GPD2: variants seen among roughly 807,000 people sequenced by gnomAD.
The protein encoded by GPD2 is glycerol-3-phosphate dehydrogenase 2.
GPD2 carries 54 observed loss-of-function variants against 82.4 expected under a neutral mutation model. The observed-to-expected ratio is 0.66, with a 90% CI of 0.53 to 0.82. The LOEUF (loss-of-function observed/expected upper bound fraction) is 0.82. GPD2 is among the 40% of genes least tolerant of loss of function. The probability of loss-of-function intolerance (pLI) is 0.00; values close to 1 mark genes in which losing one functional copy is unlikely to be tolerated. For missense variants in GPD2, 748 were observed against 896.2 expected (o/e 0.83, Z 2.11); for synonymous variants, 288 against 306.1 (o/e 0.94, Z 0.62).
At chr2:156,438,411 G>T (rs920700471) in intron 1 of GPD2, among the ~76,000 whole-genome samples, 1 of 152,164 alleles carries the variant, frequency 6.6e-6, no homozygotes, top group African/African-American at 2.4e-5. Context: ...TATGGGCAAA[G>T]AATGTAGTTA....
chr2:156,497,287 C>T (rs915894593), intron 3 of GPD2, among the ~76,000 whole-genome samples: 2 of 152,076 alleles, frequency 1.3e-5, no homozygotes, highest in Admixed American at 6.6e-5. Flanking sequence ...AGACTTAGAA[C>T]GGTGCTTGTC....
intron 1 of GPD2, among the ~76,000 whole-genome samples, chr2:156,444,852 G>A (rs769303646): frequency 2.6e-5 from 4 of 152,150 alleles, no homozygotes; most frequent in Non-Finnish European, 4.4e-5. Context: ...CCTACGTCAC[G>A]CGATTCTTCT....
the GPD2 span, among the ~76,000 whole-genome samples, chr2:156,406,492 C>G: frequency 6.6e-6 from 1 of 152,228 alleles, no homozygotes; most frequent in African/African-American, 2.4e-5. Flanking sequence ...AGCTCACTCC[C>G]TGGGCTACCC....
At chr2:156,553,982 T>C (rs1490762641) in intron 8 of GPD2, among the ~76,000 whole-genome samples, 1 of 152,194 alleles carries the variant, frequency 6.6e-6, no homozygotes, top group African/African-American at 2.4e-5. Flanking sequence ...CACTGTGAGC[T>C]ATAACCACTA....
At position 156,583,852 on chromosome 2, in the gene GPD2, A is replaced by G. The variant is rs964482293; in HGVS notation, c.*934A>G. The G allele has an allele frequency of 6.6e-6, 1 of 152,524 alleles. No homozygotes were observed. Among genetic ancestry groups the G allele is most frequent in the African/African-American group, 2.4e-5 (1 of 41,440 alleles). The allele number at this position is 152,524 out of a possible 1,614,324, so 9.4% of individuals were successfully genotyped here. On this transcript the variant is annotated 3_prime_UTR_variant, in exon 17 of 17. Transcript: ENST00000438166. Reference sequence around the variant, plus strand: ...TTTTTATATATCCACATATGATAACAAAAGATTCAATTCCCAAGCCTAAAT... The same window carrying G: ...TTTTTATATATCCACATATGATAACGAAAGATTCAATTCCCAAGCCTAAAT...
intron 1 of GPD2, among the ~76,000 whole-genome samples, chr2:156,451,224 C>T (rs1410582167): frequency 2.0e-5 from 3 of 152,072 alleles, no homozygotes; most frequent in East Asian, 2.0e-4. Flanking sequence ...GGCTCCTCAC[C>T]TCCCAGTAGG....
At chr2:156,576,521 CCCCAAAACTGGAAGAATTT>C (rs1294017127) in intron 13 of GPD2, among the ~76,000 whole-genome samples, 16 of 151,816 alleles carry the variant, frequency 1.1e-4, no homozygotes, top group African/African-American at 3.6e-4. Context: ...TTGTTAATCC[CCCCAAAACTGGAAGAATTT>C]CAAGGAGGTA....
chr2:156,414,575 C>T, the GPD2 span, among the ~76,000 whole-genome samples: 1 of 152,058 alleles, frequency 6.6e-6, no homozygotes, highest in African/African-American at 2.4e-5. Context: ...AAGATGTGAA[C>T]CAAATAATCT....
intron 2 of GPD2, among the ~76,000 whole-genome samples, chr2:156,477,168 A>G (rs559154294): frequency 9.9e-5 from 15 of 152,268 alleles, no homozygotes; most frequent in African/African-American, 3.6e-4. Flanking sequence ...CACTGACTCA[A>G]ACCTGTAATC....
intron 9 of GPD2, among the ~76,000 whole-genome samples, chr2:156,559,452 C>T (rs1687088648): frequency 1.3e-5 from 2 of 152,106 alleles, no homozygotes; most frequent in South Asian, 4.1e-4. Context: ...ATGTTGATGT[C>T]AGTGAAGGAC....
At chr2:156,448,220 G>T (rs557243138) in intron 1 of GPD2, among the ~76,000 whole-genome samples, 43 of 151,356 alleles carry the variant, frequency 2.8e-4, no homozygotes, top group African/African-American at 9.5e-4. Context: ...GCAATTCTCT[G>T]CCTCAGCCTC....
chr2:156,476,095 T>C lies in GPD2; in HGVS notation c.-8-3T>C. The stretch of plus-strand genomic sequence containing the variant: ...TCTTTTTGTTTCTTATTTTTCTTTG[T>C]AGGCTAAGAAATGGCATTTCAAAAG... On this transcript the variant is annotated splice_region_variant and splice_polypyrimidine_tract_variant and intron_variant, in intron 1 of 16. Coordinates refer to ENST00000438166, the MANE Select transcript of GPD2 (RefSeq NM_000408.5). The C allele has an allele frequency of 6.8e-7, 1 of 1,480,964 alleles. No individual in the cohort carries two copies. The highest frequency in any genetic ancestry group is 9.4e-7 in the Non-Finnish European group (1 of 1,058,932). 91.7% of individuals were successfully genotyped at this position (1,480,964 alleles called of 1,614,324 possible). A position where few individuals can be genotyped will look rare whatever the true frequency, so the allele number is the denominator to read the frequency against.
intron 3 of GPD2, among the ~76,000 whole-genome samples, chr2:156,503,061 T>G (rs1408099877): frequency 2.6e-5 from 4 of 152,136 alleles, no homozygotes; most frequent in Non-Finnish European, 4.4e-5. Context: ...TTGTTGATTT[T>G]GGGGACCTTG....
rs145752018 is a variant in GPD2, at chr2:156,541,479, G to A, written c.662-8129G>A. ...TCCCCACAGTAGTACTTAGCTTAGT[G>A]CCTGGTGCATAGTGGGTGTTCAATA... is the stretch of plus-strand genomic sequence containing the variant. On this transcript the variant is annotated intron_variant, in intron 6 of 16. Transcript: ENST00000438166. 2.6e-5 allele frequency among the ~76,000 whole-genome samples: 4 copies of A among 152,274 alleles called. No individual in the cohort carries two copies. The East Asian group carries it at 7.7e-4, about 29-fold the overall frequency.
At chr2:156,515,382 AAAAG>A (rs968779622) in intron 6 of GPD2, among the ~76,000 whole-genome samples, 6 of 152,088 alleles carry the variant, frequency 3.9e-5, no homozygotes, top group African/African-American at 1.4e-4. Flanking sequence ...CAAAAAAAAA[AAAAG>A]AAGAAGAAGA....
chr2:156,469,982 A>G (rs936519470), intron 1 of GPD2, among the ~76,000 whole-genome samples: 3 of 152,138 alleles, frequency 2.0e-5, no homozygotes, highest in African/African-American at 7.2e-5. Flanking sequence ...GTGAAAGTGA[A>G]GGAATAAAAG....
the GPD2 span, among the ~76,000 whole-genome samples, chr2:156,415,057 C>T: frequency 6.6e-6 from 1 of 151,938 alleles, no homozygotes; most frequent in Non-Finnish European, 1.5e-5. Flanking sequence ...CTGGTGCACC[C>T]ATCACCCGAG....
intron 6 of GPD2, among the ~76,000 whole-genome samples, chr2:156,520,442 A>G (rs902557151): frequency 2.6e-5 from 4 of 152,110 alleles, no homozygotes; most frequent in South Asian, 4.1e-4. Flanking sequence ...AATAACTGCT[A>G]TGCTGAATTG....
Position 156,553,718 on chromosome 2 carries a change from A to G in GPD2, c.971+2972A>G, listed in dbSNP as rs146548185. ...TATTCTGTTAAAAATTTTGTGTGAAAGTGGTCATGTTGCATATATTGTTCT... is the reference window on the plus strand; with the variant it reads ...TATTCTGTTAAAAATTTTGTGTGAAGGTGGTCATGTTGCATATATTGTTCT... On this transcript the variant is annotated intron_variant, in intron 8 of 16. Coordinates refer to ENST00000438166, the MANE Select transcript of GPD2 (RefSeq NM_000408.5). 8.1e-3 allele frequency among the ~76,000 whole-genome samples: 1,228 copies of G among 152,300 alleles called. 5 individuals are homozygous for G. The highest frequency in any genetic ancestry group is 0.012 in the Non-Finnish European group (805 of 68,016).
Sources: gnomAD v4.1 joint callset for allele counts (sites outside exome capture counted in the v4.1 genomes callset) on GRCh38, gnomAD v4.1.1 for gene constraint, MANE v1.5 for transcripts, NCBI Gene and HGNC (gene_info 2026-07-23, HGNC 2026-07-21) for gene names.